ZFHX4: variants seen among roughly 807,000 people sequenced by gnomAD.
The protein encoded by ZFHX4 is zinc finger homeobox 4.
ZFHX4 carries 56 observed loss-of-function variants against 267.6 expected under a neutral mutation model. That is an observed-to-expected ratio of 0.21 (90% CI 0.17 to 0.26). ZFHX4 has a LOEUF of 0.26. ZFHX4 is among the 10% of genes least tolerant of loss of function. The pLI, the probability that ZFHX4 is intolerant of heterozygous loss-of-function variation, is 1.00. For missense variants in ZFHX4, 4,332 were observed against 4,420.0 expected (o/e 0.98, Z 0.56); for synonymous variants, 1,778 against 1,665.6 (o/e 1.07, Z -1.64).
chr8:76,727,123 G>A (rs1808873816), intron 3 of ZFHX4, among the ~76,000 whole-genome samples: 3 of 152,026 alleles, frequency 2.0e-5, no homozygotes, highest in Admixed American at 2.0e-4. Flanking sequence ...AAGCTGACTG[G>A]CCAGGTCAGC....
chr8:76,731,884 A>C (rs1400090928), intron 3 of ZFHX4, among the ~76,000 whole-genome samples: 1 of 149,422 alleles, frequency 6.7e-6, no homozygotes, highest in Non-Finnish European at 1.5e-5. Context: ...TATTATTATT[A>C]TTATTATTTT....
intron 4 of ZFHX4, among the ~76,000 whole-genome samples, chr8:76,781,904 A>C (rs78266881): frequency 0.014 from 2,089 of 152,122 alleles, 48 homozygotes; most frequent in African/African-American, 0.046. Context: ...TTTCAATAAG[A>C]ATGTTAGCCT....
chr8:76,710,202 A>C (rs1343108553), intron 3 of ZFHX4, among the ~76,000 whole-genome samples: 1 of 152,184 alleles, frequency 6.6e-6, no homozygotes, highest in East Asian at 1.9e-4. Flanking sequence ...TGAAGAGATA[A>C]ATATTTGAGC....
rs1448365031 is a variant in ZFHX4 at position 76,853,869 on chromosome 8, G to T, written c.6948G>T (p.Lys2316Asn). ...RTSNMQYQCK[K>N]CNVVFPRIFD... ...GCAACATGCAGTACCAGTGTAAAAA[G>T]TGCAATGTGGTTTTCCCCAGGATCT... The change falls in exon 10 of 11, where the codon AAG becomes AAT. Residue 2316 changes from lysine (K) to asparagine (N), a missense_variant. Lys to Asn is a moderately conservative substitution (Grantham distance 94). This residue lies in a region of ZFHX4 where 1,648 missense variants were observed against 1,625.0 expected (regional missense o/e 1.01). Coordinates refer to ENST00000651372, the MANE Select transcript of ZFHX4 (RefSeq NM_024721.5). The T allele has an allele frequency of 6.2e-7, 1 of 1,613,928 alleles. No individual in the cohort carries two copies. The highest frequency in any genetic ancestry group is 8.5e-7 in the Non-Finnish European group (1 of 1,179,870).
rs1324606568 is a variant in ZFHX4 at position 76,855,322 on chromosome 8, G to C, written c.8401G>C (p.Asp2801His). The C allele has an allele frequency of 6.2e-7, 1 of 1,613,600 alleles. No homozygotes were observed. Among genetic ancestry groups the C allele is most frequent in the Non-Finnish European group, 8.5e-7 (1 of 1,179,836 alleles). ...GTATGATCAAAATAAAACCGATTTT[G>C]ATGAGACTTCATCGATTAATACGGC... ...AGYDQNKTDF[D>H]ETSSINTAIS... is the part of the protein sequence containing the mutation. The change falls in exon 10 of 11, where the codon GAT (aspartate) becomes CAT (histidine). Residue 2801 changes from aspartate (D) to histidine (H), a missense_variant. Coordinates refer to ENST00000651372, the MANE Select transcript of ZFHX4 (RefSeq NM_024721.5).
At chr8:76,835,724 T>A (rs1430572030) in intron 5 of ZFHX4, among the ~76,000 whole-genome samples, 3 of 152,070 alleles carry the variant, frequency 2.0e-5, no homozygotes, top group Non-Finnish European at 4.4e-5. Flanking sequence ...AAAGATTTCA[T>A]TAATGACCCA....
chr8:76,725,187 A>G (rs1808820606), intron 3 of ZFHX4, among the ~76,000 whole-genome samples: 1 of 152,118 alleles, frequency 6.6e-6, no homozygotes, highest in South Asian at 2.1e-4. Context: ...AGCTACCTTG[A>G]CAATCAGTGC....
chr8:76,846,748 A>G (rs1364624905), intron 6 of ZFHX4, among the ~76,000 whole-genome samples: 6 of 152,164 alleles, frequency 3.9e-5, no homozygotes, highest in Admixed American at 3.9e-4. Flanking sequence ...TCAATATAAG[A>G]ATAAAATACA....
chr8:76,720,605 G>A (rs1477271767), intron 3 of ZFHX4, among the ~76,000 whole-genome samples: 1 of 151,956 alleles, frequency 6.6e-6, no homozygotes, highest in Non-Finnish European at 1.5e-5. Flanking sequence ...CTTAATTTTT[G>A]CCTGATTTGT....
chr8:76,845,255 C>T (rs920729476), intron 6 of ZFHX4, among the ~76,000 whole-genome samples: 2 of 152,044 alleles, frequency 1.3e-5, no homozygotes, highest in Admixed American at 6.6e-5. Flanking sequence ...TCTAATGCTT[C>T]ATTTATATTG....
At chr8:76,769,989 C>T (rs1458027099) in intron 3 of ZFHX4, among the ~76,000 whole-genome samples, 2 of 152,126 alleles carry the variant, frequency 1.3e-5, no homozygotes, top group Non-Finnish European at 2.9e-5. Context: ...ACTGTCTCAG[C>T]TCTGTGAGTT....
chr8:76,705,793 G>A lies in ZFHX4; in HGVS notation c.1705G>A (p.Ala569Thr). The A allele has an allele frequency of 6.2e-7, 1 of 1,613,968 alleles. No individual in the cohort carries two copies. Among genetic ancestry groups the A allele is most frequent in the African/African-American group, 1.3e-5 (1 of 75,052 alleles). The part of the protein sequence containing the change: ...FADASASKDS[A>T]TAAHPSEIAR... ...AGACGCAAGTGCCAGTAAAGACAGT[G>A]CCACAGCTGCTCATCCAAGTGAAAT... is the stretch of plus-strand genomic sequence containing the variant. The change falls in exon 2 of 11, where the codon GCC becomes ACC. Residue 569 changes from alanine (A) to threonine (T), a missense_variant. Physicochemically the swap from Ala to Thr is moderately conservative, Grantham distance 58. Coordinates refer to ENST00000651372, the MANE Select transcript of ZFHX4 (RefSeq NM_024721.5).
intron 4 of ZFHX4, among the ~76,000 whole-genome samples, chr8:76,791,722 T>G (rs758045242): frequency 8.5e-5 from 13 of 152,168 alleles, no homozygotes; most frequent in Non-Finnish European, 1.6e-4. Context: ...ATCTCAGAGA[T>G]TCTATGTCTT....
At chr8:76,824,887 A>G (rs1471195840) in intron 4 of ZFHX4, among the ~76,000 whole-genome samples, 2 of 152,064 alleles carry the variant, frequency 1.3e-5, no homozygotes, top group Non-Finnish European at 2.9e-5. Context: ...TTTTTGTAAA[A>G]CGCCAAGCCT....
Position 76,860,879 on chromosome 8 carries a change from A to C in ZFHX4, c.9380-2215A>C, listed in dbSNP as rs118015791. Among the ~76,000 whole-genome samples, 150 of 152,270 alleles carry C rather than the reference A, an allele frequency of 9.9e-4. No individual in the cohort carries two copies. The East Asian group carries it at 0.029, about 29-fold the overall frequency. ...GAACCTTTTTCGTACTACTTTATTC[A>C]TTTCTTCAGTTCTTTCTTGCCAATA... On this transcript the variant is annotated intron_variant, in intron 10 of 10. Coordinates refer to ENST00000651372, the MANE Select transcript of ZFHX4 (RefSeq NM_024721.5).
intron 3 of ZFHX4, among the ~76,000 whole-genome samples, chr8:76,741,697 A>G (rs1345620651): frequency 6.6e-6 from 1 of 152,198 alleles, no homozygotes. Flanking sequence ...GCTTTGTGGT[A>G]TAGATAGAAA....
At chr8:76,685,546 T>C (rs1236687659) in intron 1 of ZFHX4, among the ~76,000 whole-genome samples, 2 of 152,334 alleles carry the variant, frequency 1.3e-5, no homozygotes, top group Non-Finnish European at 2.9e-5. Context: ...AAATATAATA[T>C]ATACGTTTAT....
rs372694666 is a variant in ZFHX4, at chr8:76,704,571, T to G, written c.483T>G (p.Phe161Leu). The change falls in exon 2 of 11, where the codon TTT becomes TTG. Residue 161 changes from phenylalanine (F) to leucine (L), a missense_variant. Transcript: ENST00000651372. The stretch of plus-strand genomic sequence containing the variant: ...AGACTGGGGCAAATAGCAAACTCTT[T>G]TCTACAGCGATGTTCCTGGACTCCC... The part of the protein sequence containing the change: ...NAQTGANSKL[F>L]STAMFLDSLA... 3 of 1,613,850 alleles carry G rather than the reference T, an allele frequency of 1.9e-6. No individual in the cohort carries two copies. In the African/African-American group the frequency reaches 4.0e-5, roughly 22 times the overall value.
chr8:76,752,984 G>A (rs1809660995), intron 3 of ZFHX4, among the ~76,000 whole-genome samples: 2 of 152,114 alleles, frequency 1.3e-5, no homozygotes, highest in African/African-American at 4.8e-5. Context: ...TTGTTTTATG[G>A]TGTGTATTTG....
Sources: gnomAD v4.1 joint callset for allele counts (sites outside exome capture counted in the v4.1 genomes callset) on GRCh38, gnomAD v4.1.1 for gene constraint, gnomAD v4.1.1 regional missense constraint, MANE v1.5 for transcripts, NCBI Gene and HGNC (gene_info 2026-07-23, HGNC 2026-07-21) for gene names.